Variants in NMNAT2 observed in about 807,000 individuals in gnomAD.
NMNAT2 encodes nicotinamide/nicotinic acid mononucleotide adenylyltransferase 2.
NMNAT2 carries 11 observed loss-of-function variants against 41.6 expected under a neutral mutation model. The observed-to-expected ratio is 0.26, with a 90% CI of 0.17 to 0.44. The LOEUF (loss-of-function observed/expected upper bound fraction) is 0.44, where lower values mean the gene tolerates loss of function less well. NMNAT2 is among the 20% of genes least tolerant of loss of function. The pLI is 1.00. For synonymous variants in NMNAT2, 148 were observed against 151.2 expected (o/e 0.98, Z 0.16); for missense variants, 288 against 407.7 (o/e 0.71, Z 2.53).
intron 1 of NMNAT2, among the ~76,000 whole-genome samples, chr1:183,412,912 A>G (rs764659993): frequency 2.6e-5 from 4 of 152,216 alleles, no homozygotes; most frequent in Non-Finnish European, 5.9e-5. Flanking sequence ...AATTTGATGT[A>G]GGAGGAAAAA....
At position 183,304,577 on chromosome 1, in the gene NMNAT2, C is replaced by G. The variant is rs1661950411; in HGVS notation, c.86-10784G>C. ...GCAGCCCTGCAAACCTTGAGAAGCTCCGCTGGAGACAGAATCCTGTTTTCT... is the reference window on the plus strand; with the variant it reads ...GCAGCCCTGCAAACCTTGAGAAGCTGCGCTGGAGACAGAATCCTGTTTTCT... On this transcript the variant is annotated intron_variant, in intron 1 of 10. Coordinates refer to ENST00000287713, the MANE Select transcript of NMNAT2 (RefSeq NM_015039.4). The G allele has an allele frequency of 4.9e-6, 6 of 1,212,168 alleles. No homozygotes were observed. The Admixed American group carries it at 1.0e-4, about 21-fold the overall frequency. 75.1% of individuals were successfully genotyped at this position (1,212,168 alleles called of 1,614,324 possible).
chr1:183,253,904 C>CGTGTGTGTGTGT (rs139756017), intron 10 of NMNAT2, among the ~76,000 whole-genome samples: 12 of 144,266 alleles, frequency 8.3e-5, no homozygotes, highest in Admixed American at 2.1e-4. Flanking sequence ...GTTCCACTTC[C>CGTGTGTGTGTGT]GTGTGTGTGT....
intron 7 of NMNAT2, chr1:183,282,816 C>G (rs1661303943): frequency 6.6e-6 from 1 of 152,134 alleles, no homozygotes; most frequent in Non-Finnish European, 1.5e-5. Context: ...GAGTGACTTG[C>G]TGGTCAATAA....
intron 5 of NMNAT2, among the ~76,000 whole-genome samples, chr1:183,285,009 G>A (rs1006146950): frequency 3.9e-5 from 6 of 152,196 alleles, no homozygotes. Flanking sequence ...CGCATTGTGA[G>A]CCCTAGACTG....
chr1:183,374,871 C>G (rs1663637146), intron 1 of NMNAT2, among the ~76,000 whole-genome samples: 1 of 152,120 alleles, frequency 6.6e-6, no homozygotes, highest in African/African-American at 2.4e-5. Context: ...GTCAGACTGA[C>G]CTTGGAACAA....
intron 1 of NMNAT2, among the ~76,000 whole-genome samples, chr1:183,322,540 G>T (rs2102331421): frequency 6.6e-6 from 1 of 152,202 alleles, no homozygotes; most frequent in South Asian, 2.1e-4. Context: ...TCCAAAGCTG[G>T]GCCTGTCCCA....
intron 8 of NMNAT2, among the ~76,000 whole-genome samples, chr1:183,277,820 G>A (rs1455639546): frequency 1.3e-5 from 2 of 152,212 alleles, no homozygotes; most frequent in Non-Finnish European, 2.9e-5. Context: ...CAGGTCCAGA[G>A]TCACACAGCA....
chr1:183,345,491 T>G (rs1662907123), intron 1 of NMNAT2, among the ~76,000 whole-genome samples: 1 of 151,988 alleles, frequency 6.6e-6, no homozygotes, highest in Admixed American at 6.5e-5. Context: ...TAATGGGTTA[T>G]GATGGGAGTA....
chr1:183,391,272 T>A (rs190081242), intron 1 of NMNAT2, among the ~76,000 whole-genome samples: 43 of 152,262 alleles, frequency 2.8e-4, no homozygotes, highest in African/African-American at 9.9e-4. Context: ...GAAGGGAATT[T>A]CTCCATGTTC....
chr1:183,397,059 C>A (rs1026693769), intron 1 of NMNAT2, among the ~76,000 whole-genome samples: 4 of 152,208 alleles, frequency 2.6e-5, no homozygotes, highest in Non-Finnish European at 5.9e-5. Context: ...CCACCGAACA[C>A]TTGCTGTGGG....
intron 1 of NMNAT2, among the ~76,000 whole-genome samples, chr1:183,344,918 C>T (rs998580850): frequency 2.0e-5 from 3 of 152,150 alleles, no homozygotes; most frequent in Admixed American, 6.5e-5. Context: ...CCTCCCCATC[C>T]GGGGGCCAAT....
At chr1:183,252,877 A>G in intron 10 of NMNAT2, 134 bp from the exon 11 acceptor site, 1 of 646,560 alleles carries the variant, frequency 1.5e-6, no homozygotes, top group Non-Finnish European at 2.8e-6. Context: ...GTATTAGGAA[A>G]GGCCCTCTTG....
intron 1 of NMNAT2, among the ~76,000 whole-genome samples, chr1:183,310,897 C>T (rs963696271): frequency 6.6e-6 from 1 of 151,796 alleles, no homozygotes. Flanking sequence ...TGTTTTTCCA[C>T]CCCTTTTAGC....
chr1:183,281,510 A>G (rs937852238), intron 7 of NMNAT2, among the ~76,000 whole-genome samples: 3 of 152,218 alleles, frequency 2.0e-5, no homozygotes, highest in African/African-American at 7.2e-5. Flanking sequence ...CCAACCAAAT[A>G]TAATATGGGA....
intron 1 of NMNAT2, among the ~76,000 whole-genome samples, chr1:183,334,074 A>AT (rs916335873): frequency 2.0e-5 from 3 of 152,134 alleles, no homozygotes; most frequent in East Asian, 1.9e-4. Flanking sequence ...TCACCGTCTC[A>AT]TTTTTTTTGA....
rs531833038 is a variant in NMNAT2, at chr1:183,255,055, A to G, written c.822-2312T>C. On this transcript the variant is annotated intron_variant, in intron 10 of 10. Coordinates refer to ENST00000287713, the MANE Select transcript of NMNAT2 (RefSeq NM_015039.4). ...GTTTTTGTTTACTGTTTCAGATCTTACACTTAGGTTCTTTATCCATTTTGA... is the reference window on the plus strand; with the variant it reads ...GTTTTTGTTTACTGTTTCAGATCTTGCACTTAGGTTCTTTATCCATTTTGA... Among the ~76,000 whole-genome samples, 3 of 152,256 alleles carry G rather than the reference A, an allele frequency of 2.0e-5. No homozygotes were observed. In the South Asian group the frequency reaches 6.2e-4, roughly 32 times the overall value.
chr1:183,266,944 T>TC (rs1660832149), intron 8 of NMNAT2: 1 of 165,380 alleles, frequency 6.0e-6, no homozygotes, highest in Non-Finnish European at 1.3e-5. Context: ...GAGGCAACAA[T>TC]CGGATATGGA....
At chr1:183,369,268 T>C (rs1035218565) in intron 1 of NMNAT2, among the ~76,000 whole-genome samples, 3 of 150,700 alleles carry the variant, frequency 2.0e-5, no homozygotes, top group South Asian at 2.1e-4. Flanking sequence ...CTTTTCTTTT[T>C]TTTTTTTTAT....
rs918717287 is a variant in NMNAT2 at position 183,382,769 on chromosome 1, C to G, written c.85+35414G>C. On this transcript the variant is annotated intron_variant, in intron 1 of 10. Coordinates refer to ENST00000287713, the MANE Select transcript of NMNAT2 (RefSeq NM_015039.4). The stretch of plus-strand genomic sequence containing the variant: ...ATCCAGCCCACCCATCAGTAAGGGG[C>G]AGGCTTCCAAGGCCTTGGGCATCTC... Among the ~76,000 whole-genome samples the G allele has an allele frequency of 2.6e-5, 4 of 152,200 alleles. 1 individual carries two copies. Among genetic ancestry groups the G allele is most frequent in the African/African-American group, 9.6e-5 (4 of 41,452 alleles).
Sources: allele counts gnomAD v4.1 joint callset (sites outside exome capture counted in the v4.1 genomes callset), GRCh38; gene constraint gnomAD v4.1.1; transcripts MANE v1.5; gene names NCBI Gene and HGNC (gene_info 2026-07-23, HGNC 2026-07-21).